The following SPG7 variants were observed in gnomAD, a reference collection of about 807,000 sequenced individuals.
SPG7 encodes the protein mitochondrial inner membrane m-AAA protease component paraplegin.
A neutral mutation model predicts 81.9 loss-of-function variants in SPG7; 103 were observed. That is an observed-to-expected ratio of 1.26 (90% confidence interval 1.07 to 1.48). SPG7 has a LOEUF of 1.48. Ranked by LOEUF, SPG7 falls within the 40% of genes most tolerant of loss-of-function variation. The pLI is 0.00. For missense variants in SPG7, 1,241 were observed against 1,087.3 expected (o/e 1.14, Z -1.99); for synonymous variants, 534 against 444.2 (o/e 1.20, Z -2.54).
At chr16:89,543,242 T>A (rs116435219) in intron 9 of SPG7, 1 of 150,856 alleles carries the variant, frequency 6.6e-6, no homozygotes, top group Non-Finnish European at 1.5e-5. Flanking sequence ...CCACCGCGCC[T>A]GGCTATATCC....
intron 5 of SPG7, chr16:89,526,890 G>A (rs921648897): frequency 3.2e-5 from 8 of 252,880 alleles, no homozygotes; most frequent in Non-Finnish European, 6.1e-5. Context: ...CTCAGCCCCC[G>A]ACGTAGGATG....
At chr16:89,553,988 C>T (rs1949155176) in intron 15 of SPG7, 28 bp downstream of exon 15, 1 of 1,607,074 alleles carries the variant, frequency 6.2e-7, no homozygotes, top group Non-Finnish European at 8.5e-7. Context: ...ACACCGCTGC[C>T]CTCTGTGCTC....
At chr16:89,523,456 A>C (rs2058217482) in intron 3 of SPG7, 10 of 336,834 alleles carry the variant, frequency 3.0e-5, no homozygotes, top group South Asian at 2.3e-4. Flanking sequence ...CGTTTTTAAT[A>C]ACTTTTGTGT....
chr16:89,550,668 G>A lies in SPG7; in HGVS notation c.1779+59G>A, dbSNP rs1186543322. On this transcript the variant is annotated intron_variant, in intron 13 of 16. Coordinates refer to ENST00000645818, the MANE Select transcript of SPG7 (RefSeq NM_003119.4). ...TGGCCAAAGGTGGGTGGGGAGTCCC[G>A]CCTGTGTCTGTAGCTGACTGGGGAG... 1.2e-5 allele frequency: 14 copies of A among 1,158,184 alleles called. No individual in the cohort carries two copies. In the Admixed American group the frequency reaches 1.7e-4, roughly 14 times the overall value. 71.7% of individuals were successfully genotyped at this position (1,158,184 alleles called of 1,614,324 possible).
At chr16:89,534,345 T>G (rs1281818595) in intron 9 of SPG7, among the ~76,000 whole-genome samples, 1 of 152,218 alleles carries the variant, frequency 6.6e-6, no homozygotes, top group East Asian at 1.9e-4. Context: ...TCCTTCCTCT[T>G]TGAGGCTGAA....
chr16:89,526,094 GC>G (rs2058256257), intron 4 of SPG7, among the ~76,000 whole-genome samples: 1 of 152,182 alleles, frequency 6.6e-6, no homozygotes, highest in Admixed American at 6.5e-5. Context: ...CTGGGAGGTA[GC>G]CCCATCGTAG....
chr16:89,536,227 C>G (rs1296126545), intron 9 of SPG7, among the ~76,000 whole-genome samples: 7 of 125,946 alleles, frequency 5.6e-5, no homozygotes, highest in African/African-American at 2.1e-4. Context: ...AGTGTGGCCT[C>G]TCTGGTGCTG....
intron 9 of SPG7, chr16:89,540,782 C>T: frequency 1.8e-6 from 1 of 551,574 alleles, no homozygotes; most frequent in Non-Finnish European, 2.3e-6. Context: ...CCACATGACC[C>T]CGCATCCACC....
chr16:89,536,745 C>T lies in SPG7; in HGVS notation c.1324+4109C>T, dbSNP rs199969908. The T allele has an allele frequency of 1.5e-3, 2,347 of 1,613,228 alleles. 3 individuals carry two copies. The highest frequency in any genetic ancestry group is 3.3e-3 in the African/African-American group (246 of 75,008). On this transcript the variant is annotated intron_variant, in intron 9 of 16. Transcript: ENST00000645818. ...CCAAGGTCTTCGTCCTGTGAGTCTG[C>T]GGCCTTCTTCTCCAACCAGGTGCCT...
chr16:89,530,997 A>G, intron 7 of SPG7, 189 bp downstream of exon 7: 1 of 757,092 alleles, frequency 1.3e-6, no homozygotes, highest in Non-Finnish European at 2.2e-6. Flanking sequence ...AGCCTCGTGC[A>G]CATGGTTCAG....
At position 89,526,214 on chromosome 16, in the gene SPG7, C is replaced by T. The variant is rs3935627; in HGVS notation, c.619-115C>T. 348,745 of 1,237,400 alleles carry T rather than the reference C, an allele frequency of 0.28. 52,530 individuals are homozygous for T. Among genetic ancestry groups the T allele is most frequent in the Middle Eastern group, 0.38 (1,434 of 3,736 alleles). The allele number at this position is 1,237,400 out of a possible 1,614,324, so 76.7% of individuals were successfully genotyped here. Reference sequence around the variant, plus strand: ...ACCTCTAGTTTCTGAATGGTGTCCTCTTCACAATGCTGAGGTTGTCATTAC... The same window carrying T: ...ACCTCTAGTTTCTGAATGGTGTCCTTTTCACAATGCTGAGGTTGTCATTAC... On this transcript the variant is annotated intron_variant, in intron 4 of 16. Transcript: ENST00000645818.
intron 5 of SPG7, chr16:89,526,788 G>C (rs1359420255): frequency 2.7e-6 from 1 of 367,590 alleles, no homozygotes; most frequent in Admixed American, 3.8e-5. Context: ...GACGTAAGAT[G>C]CCGAAGTCTC....
Position 89,557,132 on chromosome 16 carries a change from G to C in SPG7, c.*39G>C. On this transcript the variant is annotated 3_prime_UTR_variant, in exon 17 of 17. Transcript: ENST00000645818. ...GCTGCACGTGCGGGTGGTCCGGGAA[G>C]TGAGGGCTCACTCAGCCACCCTGAG... is the stretch of plus-strand genomic sequence containing the variant. 1 of 1,551,512 alleles carries C rather than the reference G, an allele frequency of 6.4e-7. No individual in the cohort carries two copies. The highest frequency in any genetic ancestry group is 8.9e-7 in the Non-Finnish European group (1 of 1,128,598).
chr16:89,545,611 C>G, intron 10 of SPG7: 1 of 244,944 alleles, frequency 4.1e-6, no homozygotes, highest in Non-Finnish European at 8.0e-6. Context: ...CACTGTTTCT[C>G]CAGGGGACAC....
At position 89,529,487 on chromosome 16, in the gene SPG7, T is replaced by C; in HGVS notation, c.769T>C (p.Ser257Pro). The part of the protein sequence containing the change: ...RTGFFGNALY[S>P]VGMTAVGLAI... ...TCTTTCTTCCGGCAGTGCCCTGTAC[T>C]CTGTGGGGATGACGGCAGTGGGCCT... The change falls in exon 6 of 17, where the codon TCT (serine) becomes CCT (proline). Residue 257 changes from serine (S) to proline (P), a missense_variant. Ser to Pro is a moderately conservative substitution (Grantham distance 74). Coordinates refer to ENST00000645818, the MANE Select transcript of SPG7 (RefSeq NM_003119.4). The C allele has an allele frequency of 6.2e-7, 1 of 1,613,024 alleles. No homozygotes were observed. The highest frequency in any genetic ancestry group is 8.5e-7 in the Non-Finnish European group (1 of 1,179,262).
At position 89,537,421 on chromosome 16, in the gene SPG7, G is replaced by A. The variant is rs879113960; in HGVS notation, c.1324+4785G>A. ...CACGCGGGAGCTGCGGAAGCCCAGC[G>A]GTTCACACAGGCCTCCCTTCAACGT... On this transcript the variant is annotated intron_variant, in intron 9 of 16. Coordinates refer to ENST00000645818, the MANE Select transcript of SPG7 (RefSeq NM_003119.4). 24 of 1,044,646 alleles carry A rather than the reference G, an allele frequency of 2.3e-5. No homozygotes were observed. In the South Asian group the frequency reaches 5.7e-4, roughly 25 times the overall value. 64.7% of individuals were successfully genotyped at this position (1,044,646 alleles called of 1,614,324 possible). A position where few individuals can be genotyped will look rare whatever the true frequency, so the allele number is the denominator to read the frequency against.
intron 12 of SPG7, chr16:89,548,731 A>G: frequency 2.8e-6 from 1 of 354,486 alleles, no homozygotes; most frequent in Non-Finnish European, 5.6e-6. Context: ...GAGAGGACCA[A>G]ACTGGGAATC....
chr16:89,556,642 A>G, intron 16 of SPG7: 1 of 531,626 alleles, frequency 1.9e-6, no homozygotes, highest in East Asian at 3.4e-5. Context: ...GCCAAAAATA[A>G]GCCAAGATTT....
rs1029765826 is a variant in SPG7, at chr16:89,537,135, C to T, written c.1324+4499C>T. On this transcript the variant is annotated intron_variant, in intron 9 of 16. Coordinates refer to ENST00000645818, the MANE Select transcript of SPG7 (RefSeq NM_003119.4). ...TGCATGCTCAGCCCTGCCGAGGTCC[C>T]AGGCCAGGCTTTGTTGCTTCCGTTC... The T allele has an allele frequency of 2.9e-4, 424 of 1,467,444 alleles. 2 individuals carry two copies. The highest frequency in any genetic ancestry group is 2.6e-4 in the Admixed American group (11 of 42,798). The allele number at this position is 1,467,444 out of a possible 1,614,324, so 90.9% of individuals were successfully genotyped here. A position where few individuals can be genotyped will look rare whatever the true frequency, so the allele number is the denominator to read the frequency against.
Sources: allele counts gnomAD v4.1 joint callset (sites outside exome capture counted in the v4.1 genomes callset), GRCh38; gene constraint gnomAD v4.1.1; transcripts MANE v1.5; gene names NCBI Gene and HGNC (gene_info 2026-07-23, HGNC 2026-07-21).